Variants in LARS2 observed in about 807,000 individuals in gnomAD.
LARS2 encodes the protein leucine--tRNA ligase, mitochondrial.
LARS2 carries 81 observed loss-of-function variants against 116.6 expected under a neutral mutation model. That is an observed-to-expected ratio of 0.69 (90% CI 0.58 to 0.84). The LOEUF is 0.84. Ranked by LOEUF, LARS2 falls within the 40% of genes least tolerant of loss-of-function variation. LARS2 has a pLI of 0.00. For synonymous variants in LARS2, 396 were observed against 407.2 expected, an observed-to-expected ratio of 0.97 and a Z score of 0.33; for missense variants, 968 against 1,114.5, an observed-to-expected ratio of 0.87 and a Z score of 1.87.
chr3:45,438,961 G>C (rs1288265376), intron 6 of LARS2, among the ~76,000 whole-genome samples: 2 of 152,132 alleles, frequency 1.3e-5, no homozygotes, highest in African/African-American at 4.8e-5. Context: ...TTAGATACAA[G>C]AAGGGCTAAT....
intron 20 of LARS2, among the ~76,000 whole-genome samples, chr3:45,539,535 G>A (rs1322012133): frequency 6.6e-6 from 1 of 152,084 alleles, no homozygotes; most frequent in Admixed American, 6.5e-5. Flanking sequence ...GGAGGCTGAG[G>A]CACAAGAATC....
chr3:45,539,142 T>C (rs9831752), intron 20 of LARS2, among the ~76,000 whole-genome samples: 3,095 of 152,216 alleles, frequency 0.02, 90 homozygotes, highest in African/African-American at 0.067. Flanking sequence ...TTTTAAATAA[T>C]GTTTTTTCAC....
At chr3:45,537,295 C>T (rs1449446794) in intron 20 of LARS2, among the ~76,000 whole-genome samples, 1 of 152,118 alleles carries the variant, frequency 6.6e-6, no homozygotes, top group East Asian at 1.9e-4. Flanking sequence ...AAGGAATTCT[C>T]CCTCTTGAGG....
chr3:45,441,785 G>A (rs1196170045), intron 6 of LARS2, among the ~76,000 whole-genome samples: 1 of 152,184 alleles, frequency 6.6e-6, no homozygotes, highest in Admixed American at 6.5e-5. Flanking sequence ...GAGTCATTGA[G>A]GTATGGGTGG....
chr3:45,546,171 C>T (rs1385218463), intron 21 of LARS2, among the ~76,000 whole-genome samples: 1 of 152,150 alleles, frequency 6.6e-6, no homozygotes, highest in Non-Finnish European at 1.5e-5. Flanking sequence ...TGAGAATTCC[C>T]TGTTGGGGAC....
intron 7 of LARS2, among the ~76,000 whole-genome samples, chr3:45,456,241 G>A (rs2125709226): frequency 6.6e-6 from 1 of 152,156 alleles, no homozygotes; most frequent in Non-Finnish European, 1.5e-5. Context: ...ATATCACACT[G>A]TATTCTATAA....
At chr3:45,472,067 A>G (rs924509520) in intron 8 of LARS2, among the ~76,000 whole-genome samples, 1 of 152,194 alleles carries the variant, frequency 6.6e-6, no homozygotes, top group Non-Finnish European at 1.5e-5. Flanking sequence ...CCAAGGAGGA[A>G]TTGATTAGAA....
intron 7 of LARS2, among the ~76,000 whole-genome samples, chr3:45,453,312 A>G (rs1393927534): frequency 6.6e-6 from 1 of 152,022 alleles, no homozygotes; most frequent in Non-Finnish European, 1.5e-5. Context: ...TTTTTCCTGT[A>G]TGGTACTTGT....
intron 16 of LARS2, among the ~76,000 whole-genome samples, chr3:45,514,773 T>A (rs190180501): frequency 1.1e-3 from 166 of 152,358 alleles, no homozygotes; most frequent in South Asian, 1.9e-3. Flanking sequence ...TTTTCCTAAT[T>A]TGCATAACAG....
intron 10 of LARS2, among the ~76,000 whole-genome samples, chr3:45,479,419 A>G (rs1010102557): frequency 1.3e-5 from 2 of 151,990 alleles, no homozygotes; most frequent in Non-Finnish European, 2.9e-5. Context: ...CCCCCAGAAC[A>G]GCAGGGATCA....
chr3:45,418,597 T>C (rs1296375536), intron 5 of LARS2, among the ~76,000 whole-genome samples: 1 of 152,166 alleles, frequency 6.6e-6, no homozygotes, highest in Non-Finnish European at 1.5e-5. Context: ...TAAATCAAGT[T>C]TTATTGGAAC....
At chr3:45,525,397 A>G (rs1700517468) in intron 20 of LARS2, among the ~76,000 whole-genome samples, 1 of 152,190 alleles carries the variant, frequency 6.6e-6, no homozygotes, top group South Asian at 2.1e-4. Flanking sequence ...TTTTTTGTTT[A>G]TGTACCATAT....
chr3:45,482,435 T>A (rs1416208589), intron 10 of LARS2, among the ~76,000 whole-genome samples: 3 of 152,210 alleles, frequency 2.0e-5, no homozygotes, highest in African/African-American at 7.2e-5. Context: ...TTTCTATTTC[T>A]ATTTCTACAT....
intron 6 of LARS2, among the ~76,000 whole-genome samples, chr3:45,437,720 A>G (rs1698830358): frequency 6.6e-6 from 1 of 152,170 alleles, no homozygotes; most frequent in Admixed American, 6.5e-5. Context: ...TGGCTGTGTG[A>G]CCTTAAACAA....
chr3:45,441,802 G>A (rs1370945332), intron 6 of LARS2, among the ~76,000 whole-genome samples: 2 of 152,282 alleles, frequency 1.3e-5, no homozygotes, highest in Middle Eastern at 3.4e-3. Context: ...GTGGCAGGTC[G>A]CAAAAGATGA....
intron 21 of LARS2, among the ~76,000 whole-genome samples, chr3:45,544,353 C>T (rs983425776): frequency 1.3e-5 from 2 of 152,236 alleles, no homozygotes; most frequent in African/African-American, 4.8e-5. Flanking sequence ...ACATATTTAA[C>T]ACCTCTAAGC....
intron 20 of LARS2, among the ~76,000 whole-genome samples, chr3:45,540,746 G>GTCTGTCTGTCTATCTATCTA (rs763247398): frequency 2.0e-5 from 3 of 149,112 alleles, no homozygotes; most frequent in Admixed American, 6.7e-5. Flanking sequence ...GTATCTATCT[G>GTCTGTCTGTCTATCTATCTA]TCTATCTATC....
intron 15 of LARS2, among the ~76,000 whole-genome samples, chr3:45,505,154 A>G (rs1284118348): frequency 6.6e-6 from 1 of 151,902 alleles, no homozygotes; most frequent in African/African-American, 2.4e-5. Context: ...ATAAAAGTTT[A>G]TATTCTTCAG....
chr3:45,458,850 CAGACAATGGTTTATTA>C lies in LARS2; in HGVS notation c.721_736del (p.Trp241ProfsTer20), dbSNP rs1159009996. The C allele has an allele frequency of 1.2e-6, 2 of 1,614,084 alleles. No individual in the cohort carries two copies. The highest frequency in any genetic ancestry group is 2.2e-5 in the South Asian group (2 of 91,080). ...GAGCAAAGGTGGAACAGAAGTACCT[CAGACAATGGTTTATTA>C]AGACAACCGCTTATGCAAAGGTGAG... On this transcript the variant is annotated frameshift_variant, in exon 8 of 22. Transcript: ENST00000645846. LOFTEE classifies it high-confidence loss of function.
Sources: gnomAD v4.1 joint callset for allele counts (sites outside exome capture counted in the v4.1 genomes callset) on GRCh38, gnomAD v4.1.1 for gene constraint, MANE v1.5 for transcripts, NCBI Gene and HGNC (gene_info 2026-07-23, HGNC 2026-07-21) for gene names.